The following FTO variants were observed in gnomAD, a reference collection of about 807,000 sequenced individuals.
FTO encodes the protein alpha-ketoglutarate-dependent dioxygenase FTO.
In FTO, 47 loss-of-function variants were observed where a neutral mutation model predicts 63.9. The ratio of observed to expected loss-of-function variants is 0.74; its 90% CI spans 0.58 to 0.94. The LOEUF is 0.94. Ranked by LOEUF, FTO falls within the 40% of genes least tolerant of loss-of-function variation. The pLI is 0.00. For synonymous variants in FTO, 207 were observed against 224.4 expected, an observed-to-expected ratio of 0.92 and a Z score of 0.69; for missense variants, 562 against 618.1, an observed-to-expected ratio of 0.91 and a Z score of 0.96.
intron 1 of FTO, among the ~76,000 whole-genome samples, chr16:53,771,217 T>C (rs1003381772): frequency 1.3e-5 from 2 of 152,144 alleles, no homozygotes; most frequent in African/African-American, 4.8e-5. Flanking sequence ...TATTTATAGT[T>C]ACTCCTATAG....
intron 1 of FTO, among the ~76,000 whole-genome samples, chr16:53,739,172 A>T (rs2076464541): frequency 6.6e-6 from 1 of 151,350 alleles, no homozygotes; most frequent in African/African-American, 2.4e-5. Context: ...TTATAATTCT[A>T]TTAGCCAAAG....
chr16:53,710,266 CTT>C (rs564940054), intron 1 of FTO, among the ~76,000 whole-genome samples: 15 of 132,836 alleles, frequency 1.1e-4, no homozygotes, highest in Non-Finnish European at 1.3e-4. Flanking sequence ...CAGATTTTGC[CTT>C]TTTTTTTTTT....
At chr16:53,906,118 C>A (rs114401560) in intron 7 of FTO, among the ~76,000 whole-genome samples, 166 of 152,292 alleles carry the variant, frequency 1.1e-3, no homozygotes, top group African/African-American at 3.8e-3. Flanking sequence ...CTCCAGGCAT[C>A]GGGGTTCAGT....
At position 54,043,111 on chromosome 16, in the gene FTO, G is replaced by A. The variant is rs1330717125; in HGVS notation, c.1365-68651G>A. On this transcript the variant is annotated intron_variant, in intron 8 of 8. Coordinates refer to ENST00000471389, the MANE Select transcript of FTO (RefSeq NM_001080432.3). ...AACAGAACAAAGCTGGATGGAGAAT[G>A]ATTTTGAAGAGCTGAGAGAAGAAGG... Among the ~76,000 whole-genome samples the A allele has an allele frequency of 9.5e-5, 7 of 73,828 alleles. 2 individuals are homozygous for A. Among genetic ancestry groups the A allele is most frequent in the Non-Finnish European group, 1.5e-4 (7 of 46,404 alleles). 48.4% of individuals were successfully genotyped at this position (73,828 alleles called of 152,430 possible). A position where few individuals can be genotyped will look rare whatever the true frequency, so the allele number is the denominator to read the frequency against.
intron 4 of FTO, among the ~76,000 whole-genome samples, chr16:53,872,768 T>C (rs571993224): frequency 1.3e-5 from 2 of 152,350 alleles, no homozygotes; most frequent in Admixed American, 6.5e-5. Flanking sequence ...CATTTGCCTC[T>C]TGGTTTAAGT....
At chr16:53,818,089 A>T (rs1422714597) in intron 2 of FTO, among the ~76,000 whole-genome samples, 1 of 152,156 alleles carries the variant, frequency 6.6e-6, no homozygotes, top group Non-Finnish European at 1.5e-5. Context: ...CCTGTCCAAA[A>T]TGGAAAGTGA....
At chr16:54,016,288 T>C (rs760265374) in intron 8 of FTO, among the ~76,000 whole-genome samples, 1 of 109,430 alleles carries the variant, frequency 9.1e-6, no homozygotes, top group Non-Finnish European at 1.7e-5. Context: ...TTCTGACTTG[T>C]CATGAAAAAA....
intron 8 of FTO, among the ~76,000 whole-genome samples, chr16:53,990,845 T>C (rs138245500): frequency 0.034 from 5,158 of 151,960 alleles, 107 homozygotes; most frequent in Middle Eastern, 0.092. Context: ...TTTATGTATT[T>C]TTAGTAGAGA....
At chr16:54,041,225 T>C (rs1467765927) in intron 8 of FTO, among the ~76,000 whole-genome samples, 1 of 152,014 alleles carries the variant, frequency 6.6e-6, no homozygotes, top group Non-Finnish European at 1.5e-5. Context: ...TCAGGAAACT[T>C]ACATCATGGT....
chr16:53,993,189 A>AC (rs1210799093), intron 8 of FTO: 1 of 152,248 alleles, frequency 6.6e-6, no homozygotes, highest in African/African-American at 2.4e-5. Context: ...GTACTGCTTA[A>AC]CCATAGAAAG....
intron 8 of FTO, among the ~76,000 whole-genome samples, chr16:53,995,405 G>A (rs945429878): frequency 1.4e-4 from 21 of 152,172 alleles, no homozygotes; most frequent in African/African-American, 4.6e-4. Context: ...CAGCCCACAC[G>A]ATACCACTGA....
At chr16:53,872,676 T>G (rs1288188486) in intron 4 of FTO, among the ~76,000 whole-genome samples, 1 of 152,238 alleles carries the variant, frequency 6.6e-6, no homozygotes, top group African/African-American at 2.4e-5. Context: ...GCAGAAATCC[T>G]GTCTTAATAT....
At chr16:53,843,252 G>A (rs1476104304) in intron 3 of FTO, among the ~76,000 whole-genome samples, 1 of 152,138 alleles carries the variant, frequency 6.6e-6, no homozygotes, top group Non-Finnish European at 1.5e-5. Flanking sequence ...TCTTAAAAGT[G>A]TAATTTCTAT....
At chr16:53,929,416 A>G (rs1344657216) in intron 7 of FTO, among the ~76,000 whole-genome samples, 4 of 152,172 alleles carry the variant, frequency 2.6e-5, no homozygotes, top group African/African-American at 9.6e-5. Flanking sequence ...GTATGGATGT[A>G]CCACCGTGTA....
intron 4 of FTO, among the ~76,000 whole-genome samples, chr16:53,862,055 G>C (rs2080189244): frequency 6.6e-6 from 1 of 152,134 alleles, no homozygotes; most frequent in Non-Finnish European, 1.5e-5. Context: ...TTCAAGACCA[G>C]CCTGGCCAAC....
At chr16:53,719,628 GT>G in intron 1 of FTO, among the ~76,000 whole-genome samples, 1 of 131,900 alleles carries the variant, frequency 7.6e-6, no homozygotes, top group East Asian at 2.3e-4. Flanking sequence ...TTTGCTGGTA[GT>G]CTGTTTTTTT....
intron 7 of FTO, among the ~76,000 whole-genome samples, chr16:53,898,218 C>T (rs1026467252): frequency 6.6e-6 from 1 of 152,172 alleles, no homozygotes; most frequent in African/African-American, 2.4e-5. Context: ...CCCTCTTTCC[C>T]TCCCCTAATG....
At chr16:53,891,586 A>G (rs942067614) in intron 7 of FTO, among the ~76,000 whole-genome samples, 9 of 152,132 alleles carry the variant, frequency 5.9e-5, no homozygotes, top group Non-Finnish European at 1.2e-4. Context: ...ATTGGAGCCC[A>G]GGAGTTCAAG....
intron 8 of FTO, among the ~76,000 whole-genome samples, chr16:54,021,447 A>G (rs1456645715): frequency 2.0e-5 from 3 of 151,884 alleles, no homozygotes; most frequent in African/African-American, 4.8e-5. Context: ...ATTAGATTAC[A>G]TGGCCTTTAC....
Sources: gnomAD v4.1 joint callset for allele counts (sites outside exome capture counted in the v4.1 genomes callset) on GRCh38, gnomAD v4.1.1 for gene constraint, MANE v1.5 for transcripts, NCBI Gene and HGNC (gene_info 2026-07-23, HGNC 2026-07-21) for gene names.